Variants in MBNL1 observed in about 807,000 individuals in gnomAD.
MBNL1 encodes the protein muscleblind-like protein 1.
Under a neutral mutation model 42.2 loss-of-function variants are expected in MBNL1, and 8 were observed. The observed-to-expected ratio is 0.19, with a 90% CI of 0.11 to 0.34. MBNL1 has a LOEUF of 0.34. Among genes scored for constraint, MBNL1 ranks in the 10% least tolerant of loss-of-function variants. The probability of loss-of-function intolerance (pLI) is 1.00; values close to 1 mark genes in which losing one functional copy is unlikely to be tolerated. For synonymous variants in MBNL1, 169 were observed against 173.9 expected (o/e 0.97, Z 0.22); for missense variants, 309 against 495.3 (o/e 0.62, Z 3.57).
intron 1 of MBNL1, among the ~76,000 whole-genome samples, chr3:152,284,736 T>G (rs1031484835): frequency 6.6e-6 from 1 of 152,104 alleles, no homozygotes; most frequent in Non-Finnish European, 1.5e-5. Flanking sequence ...TACATCAGTT[T>G]TATACTTTTA....
intron 2 of MBNL1, among the ~76,000 whole-genome samples, chr3:152,400,502 T>G (rs1360046311): frequency 1.3e-5 from 2 of 152,222 alleles, no homozygotes; most frequent in Non-Finnish European, 2.9e-5. Context: ...AATACACTCT[T>G]TCTTAAGTGT....
chr3:152,246,580 GATAA>G (rs970998872), intron 2 of MBNL1, among the ~76,000 whole-genome samples: 7 of 151,460 alleles, frequency 4.6e-5, no homozygotes, highest in Admixed American at 3.3e-4. Flanking sequence ...TCATAAATAT[GATAA>G]ATAATTTATT....
chr3:152,426,330 T>A (rs943216734), intron 3 of MBNL1, among the ~76,000 whole-genome samples: 16 of 152,172 alleles, frequency 1.1e-4, no homozygotes, highest in Non-Finnish European at 2.4e-4. Context: ...TCTGCACATG[T>A]ATCCCAGAAT....
chr3:152,390,912 T>G (rs1341104754), intron 2 of MBNL1, among the ~76,000 whole-genome samples: 1 of 152,154 alleles, frequency 6.6e-6, no homozygotes, highest in Non-Finnish European at 1.5e-5. Context: ...ACCTTTGAAG[T>G]GCAGTGATGT....
chr3:152,321,465 G>A (rs3872620), intron 2 of MBNL1, among the ~76,000 whole-genome samples: 83,430 of 151,732 alleles, frequency 0.55, 23,265 homozygotes, highest in Middle Eastern at 0.63. Flanking sequence ...TTTTCCGAGA[G>A]GGTAAGTCCC....
At chr3:152,389,548 C>G (rs1210938149) in intron 2 of MBNL1, among the ~76,000 whole-genome samples, 1 of 152,172 alleles carries the variant, frequency 6.6e-6, no homozygotes, top group Non-Finnish European at 1.5e-5. Context: ...CCTATTGCTT[C>G]TAGGCTGGAA....
At chr3:152,281,890 GAGATTTCCGATAAACTTTTC>G (rs1162957753) in intron 1 of MBNL1, among the ~76,000 whole-genome samples, 2 of 152,086 alleles carry the variant, frequency 1.3e-5, no homozygotes, top group Non-Finnish European at 2.9e-5. Context: ...CATTCACTTG[GAGATTTCCGATAAACTTTTC>G]TCACTTTCCC....
At chr3:152,415,598 A>G (rs979091528) in intron 3 of MBNL1, among the ~76,000 whole-genome samples, 9 of 152,178 alleles carry the variant, frequency 5.9e-5, no homozygotes, top group Admixed American at 2.6e-4. Flanking sequence ...TTAAGTTGAA[A>G]TTATTTCATA....
chr3:152,301,021 G>C (rs937687008), intron 2 of MBNL1: 1 of 526,104 alleles, frequency 1.9e-6, no homozygotes, highest in Admixed American at 6.4e-5. Flanking sequence ...TTGTTTATTG[G>C]ATTTTTCCAG....
intron 1 of MBNL1, among the ~76,000 whole-genome samples, chr3:152,274,590 A>C (rs906587357): frequency 6.6e-6 from 1 of 152,098 alleles, no homozygotes; most frequent in African/African-American, 2.4e-5. Context: ...GGTATTCAGT[A>C]TTTTTCAGCC....
intron 3 of MBNL1, among the ~76,000 whole-genome samples, chr3:152,425,187 A>G (rs973359816): frequency 6.6e-6 from 1 of 152,136 alleles, no homozygotes; most frequent in Non-Finnish European, 1.5e-5. Flanking sequence ...TCCAGAATCT[A>G]CAAATAACTT....
intron 2 of MBNL1, among the ~76,000 whole-genome samples, chr3:152,337,400 ATT>A (rs1397118886): frequency 2.6e-5 from 4 of 152,142 alleles, no homozygotes; most frequent in Admixed American, 2.0e-4. Context: ...CAGGTGGGTC[ATT>A]TGAGGTCAGG....
In MBNL1 at chr3:152,448,504, A is replaced by G. The variant is rs149668637; in HGVS notation, c.961+731A>G. Among the ~76,000 whole-genome samples, 39 of 152,288 alleles carry G rather than the reference A, an allele frequency of 2.6e-4. No individual in the cohort carries two copies. In the East Asian group the frequency reaches 6.0e-3, roughly 23 times the overall value. On this transcript the variant is annotated intron_variant, in intron 6 of 9. Coordinates refer to ENST00000324210, the MANE Select transcript of MBNL1 (RefSeq NM_021038.5). The stretch of plus-strand genomic sequence containing the variant: ...TATTCACTCTGAACTTACTTCAGAA[A>G]ATACATATAAGCTCATTATTATCTG...
chr3:152,301,081 AT>A (rs199591203), intron 2 of MBNL1: 53 of 189,778 alleles, frequency 2.8e-4, no homozygotes, highest in Non-Finnish European at 4.7e-4. Context: ...TTAGATCATG[AT>A]TTTTTTTTAT....
chr3:152,409,422 A>T (rs2153609766), intron 2 of MBNL1, among the ~76,000 whole-genome samples: 1 of 151,942 alleles, frequency 6.6e-6, no homozygotes, highest in Non-Finnish European at 1.5e-5. Flanking sequence ...CAATGTTACT[A>T]TTTTTGGCAA....
intron 2 of MBNL1, among the ~76,000 whole-genome samples, chr3:152,315,683 A>G (rs931256407): frequency 6.6e-6 from 1 of 152,194 alleles, no homozygotes; most frequent in African/African-American, 2.4e-5. Context: ...TCATGGTGCC[A>G]TGGTTCTCTA....
At position 152,362,028 on chromosome 3, in the gene MBNL1, A is replaced by G. The variant is rs1050202768; in HGVS notation, c.175-52913A>G. Among the ~76,000 whole-genome samples, 49 of 152,344 alleles carry G rather than the reference A, an allele frequency of 3.2e-4. 1 individual carries two copies. The highest frequency in any genetic ancestry group is 9.6e-5 in the African/African-American group (4 of 41,582). On this transcript the variant is annotated intron_variant, in intron 2 of 9. Transcript: ENST00000324210. ...GACAGAAAGAGGGAAAGGAATTGCT[A>G]TAATTAGACACCTGGCTTTGTAAAA... is the stretch of plus-strand genomic sequence containing the variant.
At chr3:152,351,692 C>G (rs2095018115) in intron 2 of MBNL1, among the ~76,000 whole-genome samples, 2 of 152,158 alleles carry the variant, frequency 1.3e-5, no homozygotes, top group Non-Finnish European at 2.9e-5. Context: ...TCAGGAATCA[C>G]TAGCTATGCA....
chr3:152,385,987 T>G (rs1213897584), intron 2 of MBNL1, among the ~76,000 whole-genome samples: 4 of 152,076 alleles, frequency 2.6e-5, no homozygotes, highest in Admixed American at 2.0e-4. Flanking sequence ...TGAAATACTT[T>G]TAACATGTGG....
Sources: allele counts gnomAD v4.1 joint callset (sites outside exome capture counted in the v4.1 genomes callset), GRCh38; gene constraint gnomAD v4.1.1; transcripts MANE v1.5; gene names NCBI Gene and HGNC (gene_info 2026-07-23, HGNC 2026-07-21).